The following TENM1 variants were observed in gnomAD, a reference collection of about 807,000 sequenced individuals.
TENM1 encodes the protein teneurin-1.
In TENM1, 35 loss-of-function variants were observed where a neutral mutation model predicts 174.8. The observed-to-expected ratio is 0.20, with a 90% CI of 0.15 to 0.27. The LOEUF (loss-of-function observed/expected upper bound fraction) is 0.27. TENM1 is among the 10% of genes least tolerant of loss of function. The probability of loss-of-function intolerance (pLI) is 1.00; values close to 1 mark genes in which losing one functional copy is unlikely to be tolerated. For missense variants in TENM1, 1,633 were observed against 2,130.1 expected (o/e 0.77, Z 4.59); for synonymous variants, 781 against 798.7 (o/e 0.98, Z 0.37).
At chrX:125,029,072 C>CT in the TENM1 span, among the ~76,000 whole-genome samples, 3 of 111,407 alleles carry the variant, frequency 2.7e-5, no homozygotes, top group Admixed American at 1.9e-4. Context: ...AGTTTAGGAA[C>CT]TAGCATAGCA....
chrX:124,569,276 A>G lies in TENM1; in HGVS notation c.2078-3716T>C, dbSNP rs756471218. 6.3e-5 allele frequency among the ~76,000 whole-genome samples: 7 copies of G among 111,466 alleles called. No homozygotes were observed. In the South Asian group the frequency reaches 2.6e-3, roughly 41 times the overall value. On this transcript the variant is annotated intron_variant, in intron 11 of 31. Coordinates refer to ENST00000422452, the Ensembl canonical transcript of TENM1. Reference sequence around the variant, plus strand: ...TAAATGAAGCAAAATTGAAAGAAGAAGAAAGGGAAAAGGACAAATTCACAA... The same window carrying G: ...TAAATGAAGCAAAATTGAAAGAAGAGGAAAGGGAAAAGGACAAATTCACAA...
intron 25 of TENM1, among the ~76,000 whole-genome samples, chrX:124,411,272 G>A (rs1053864875): frequency 9.0e-6 from 1 of 111,719 alleles, no homozygotes; most frequent in African/African-American, 3.3e-5. Flanking sequence ...AGATAAGACT[G>A]TAATTACCCA....
intron 1 of TENM1, among the ~76,000 whole-genome samples, chrX:124,900,151 T>C (rs1686943018): frequency 8.9e-6 from 1 of 112,369 alleles, no homozygotes; most frequent in African/African-American, 3.2e-5. Context: ...CAAGTATCTA[T>C]GAACACATGA....
chrX:124,647,826 T>C (rs2051200900), intron 8 of TENM1, among the ~76,000 whole-genome samples: 1 of 110,353 alleles, frequency 9.1e-6, no homozygotes, highest in African/African-American at 3.3e-5. Flanking sequence ...ATTCTTGGAC[T>C]CTGAGTTTAG....
At chrX:124,934,046 G>A (rs2058210513) in intron 1 of TENM1, among the ~76,000 whole-genome samples, 1 of 111,875 alleles carries the variant, frequency 8.9e-6, no homozygotes, top group African/African-American at 3.2e-5. Flanking sequence ...GTGCATATTT[G>A]TGTATACATG....
intron 14 of TENM1, among the ~76,000 whole-genome samples, chrX:124,559,740 C>T (rs756884153): frequency 1.6e-4 from 18 of 111,366 alleles, no homozygotes; most frequent in Non-Finnish European, 7.5e-5. Context: ...CAGCACAGTG[C>T]CTGGCACATA....
At chrX:125,133,291 C>T in the TENM1 span, among the ~76,000 whole-genome samples, 1 of 112,034 alleles carries the variant, frequency 8.9e-6, no homozygotes, top group African/African-American at 3.2e-5. Context: ...CGTGAGCCAC[C>T]GTGTCCGGCC....
intron 4 of TENM1, among the ~76,000 whole-genome samples, chrX:124,727,552 G>A (rs2053470053): frequency 8.9e-6 from 1 of 111,852 alleles, no homozygotes; most frequent in African/African-American, 3.3e-5. Flanking sequence ...CTATTCCAGT[G>A]CTCTGCAGCA....
intron 3 of TENM1, among the ~76,000 whole-genome samples, chrX:124,831,839 G>A (rs991384882): frequency 1.8e-5 from 2 of 111,322 alleles, no homozygotes; most frequent in Non-Finnish European, 3.8e-5. Context: ...AGCAGTCAAT[G>A]ACTTTCTACC....
At chrX:124,612,639 A>G (rs1401718686) in intron 11 of TENM1, among the ~76,000 whole-genome samples, 4 of 111,679 alleles carry the variant, frequency 3.6e-5, no homozygotes, top group Non-Finnish European at 7.5e-5. Flanking sequence ...AACAGATCAC[A>G]TAACTACACA....
intron 3 of TENM1, among the ~76,000 whole-genome samples, chrX:124,883,357 G>C (rs1419172090): frequency 8.9e-6 from 1 of 112,236 alleles, no homozygotes; most frequent in Non-Finnish European, 1.9e-5. Flanking sequence ...GATGTCCTCA[G>C]TGGCTTAGTG....
chrX:124,970,360 C>A, the TENM1 span, among the ~76,000 whole-genome samples: 1 of 111,697 alleles, frequency 9.0e-6, no homozygotes, highest in African/African-American at 3.3e-5. Context: ...CTTCATAGCA[C>A]AACAGATAGA....
chrX:124,973,431 T>C, the TENM1 span, among the ~76,000 whole-genome samples: 1 of 111,824 alleles, frequency 8.9e-6, no homozygotes. Context: ...TTTTTTCTAA[T>C]TCTGTGAAGA....
chrX:125,022,599 A>G, the TENM1 span, among the ~76,000 whole-genome samples: 2 of 111,532 alleles, frequency 1.8e-5, 1 homozygote, highest in Admixed American at 1.9e-4. Flanking sequence ...CTCCAGCCTC[A>G]AATATGATAT....
intron 4 of TENM1, among the ~76,000 whole-genome samples, chrX:124,723,615 T>G (rs1054206667): frequency 2.0e-5 from 2 of 101,602 alleles, no homozygotes; most frequent in South Asian, 4.8e-4. Context: ...TTTTTTTTTT[T>G]TTTTTTGACG....
the TENM1 span, among the ~76,000 whole-genome samples, chrX:125,136,778 A>C: frequency 8.9e-6 from 1 of 112,054 alleles, no homozygotes; most frequent in African/African-American, 3.2e-5. Context: ...ACAGTATAAC[A>C]ATTATTTACA....
intron 1 of TENM1, among the ~76,000 whole-genome samples, chrX:124,908,861 ATT>A (rs779878309): frequency 5.0e-5 from 5 of 99,592 alleles, no homozygotes; most frequent in Non-Finnish European, 4.1e-5. Flanking sequence ...TATTATTCCA[ATT>A]TTTTTTTTTT....
intron 27 of TENM1, 21 bp downstream of exon 30, chrX:124,405,010 T>C (rs1394406068): frequency 3.4e-6 from 4 of 1,172,401 alleles, no homozygotes; most frequent in Non-Finnish European, 4.6e-6. Flanking sequence ...GTTCTATATC[T>C]TGTGTAAAGT....
chrX:124,520,678 G>A (rs750944039), exon 18 of TENM1: 2 of 1,207,817 alleles, frequency 1.7e-6, no homozygotes, highest in East Asian at 5.9e-5. Context: ...AGGAATCGTT[G>A]AATGTGTCAG....
Sources: allele counts gnomAD v4.1 joint callset (sites outside exome capture counted in the v4.1 genomes callset), GRCh38; gene constraint gnomAD v4.1.1; transcripts MANE v1.5; gene names NCBI Gene and HGNC (gene_info 2026-07-23, HGNC 2026-07-21).